UGT1A10: variants seen among roughly 807,000 people sequenced by gnomAD.
UGT1A10 encodes UDP glucuronosyltransferase family 1 member A10.
UGT1A10 carries 49 observed loss-of-function variants against 45.8 expected under a neutral mutation model. The ratio of observed to expected loss-of-function variants is 1.07; its 90% CI spans 0.85 to 1.36. UGT1A10 has a LOEUF of 1.36. Ranked by LOEUF, UGT1A10 falls within the 40% of genes most tolerant of loss-of-function variation. The probability of loss-of-function intolerance (pLI) is 0.00; values close to 1 mark genes in which losing one functional copy is unlikely to be tolerated. For synonymous variants in UGT1A10, 284 were observed against 249.7 expected (o/e 1.14, Z -1.29); for missense variants, 745 against 668.6 (o/e 1.11, Z -1.26).
intron 1 of UGT1A10, among the ~76,000 whole-genome samples, chr2:233,680,026 TTTTCTTTTTCTCTTTC>T (rs1446340462): frequency 2.0e-5 from 3 of 152,184 alleles, no homozygotes; most frequent in Non-Finnish European, 4.4e-5. Flanking sequence ...TCTCTCTCTT[TTTTCTTTTTCTCTTTC>T]TTTCTTTTGC....
At chr2:233,747,538 C>T in intron 1 of UGT1A10, 1 of 1,604,368 alleles carries the variant, frequency 6.2e-7, no homozygotes, top group Non-Finnish European at 8.5e-7. Flanking sequence ...TTTCTGAAGA[C>T]ATTTTCTAAA....
At chr2:233,732,944 A>G (rs2078339479) in intron 1 of UGT1A10, among the ~76,000 whole-genome samples, 2 of 152,256 alleles carry the variant, frequency 1.3e-5, no homozygotes, top group Admixed American at 1.3e-4. Flanking sequence ...ATCCATGAGC[A>G]TGGAATGTTC....
chr2:233,746,322 CT>C (rs1693360361), intron 1 of UGT1A10, among the ~76,000 whole-genome samples: 1 of 151,756 alleles, frequency 6.6e-6, no homozygotes, highest in Admixed American at 6.5e-5. Flanking sequence ...TGTAGATGAT[CT>C]ACAGGGCAAT....
chr2:233,680,433 C>T (rs1172149473), intron 1 of UGT1A10, among the ~76,000 whole-genome samples: 1 of 152,128 alleles, frequency 6.6e-6, no homozygotes, highest in Non-Finnish European at 1.5e-5. Flanking sequence ...GTAGTATGTA[C>T]TAGAGGAAAG....
chr2:233,657,174 A>C (rs2073874133), intron 1 of UGT1A10, among the ~76,000 whole-genome samples: 5 of 152,176 alleles, frequency 3.3e-5, no homozygotes, highest in Admixed American at 3.3e-4. Context: ...ACTAGCTATC[A>C]AGGTCCCCCA....
At chr2:233,652,641 G>A (rs532260049) in intron 1 of UGT1A10, among the ~76,000 whole-genome samples, 17 of 152,190 alleles carry the variant, frequency 1.1e-4, no homozygotes, top group Admixed American at 7.2e-4. Flanking sequence ...TCAGTAGAAC[G>A]GAGTTGAGAA....
chr2:233,722,106 A>G, intron 1 of UGT1A10: 1 of 195,622 alleles, frequency 5.1e-6, no homozygotes, highest in South Asian at 1.0e-4. Flanking sequence ...TCTTAGAGGA[A>G]GAGCTATCAT....
chr2:233,645,492 GTAAAA>G (rs1284165480), intron 1 of UGT1A10, among the ~76,000 whole-genome samples: 1 of 152,228 alleles, frequency 6.6e-6, no homozygotes, highest in Non-Finnish European at 1.5e-5. Context: ...CTATGGGCCT[GTAAAA>G]TCAAAAGCAA....
intron 1 of UGT1A10, among the ~76,000 whole-genome samples, chr2:233,642,889 T>A (rs774647217): frequency 7.4e-5 from 11 of 149,258 alleles, no homozygotes; most frequent in Non-Finnish European, 1.3e-4. Context: ...TCTCTCTCAC[T>A]CTCTCTCTCT....
intron 1 of UGT1A10, among the ~76,000 whole-genome samples, chr2:233,750,926 G>A (rs939892463): frequency 5.3e-5 from 8 of 151,868 alleles, no homozygotes; most frequent in African/African-American, 1.9e-4. Flanking sequence ...AAAGAAATGT[G>A]AGGTTGGAGC....
intron 1 of UGT1A10, among the ~76,000 whole-genome samples, chr2:233,758,755 T>C (rs1329338381): frequency 1.3e-5 from 2 of 152,208 alleles, no homozygotes; most frequent in African/African-American, 4.8e-5. Flanking sequence ...TGGCCAGTGA[T>C]GTGTATGGTT....
intron 1 of UGT1A10, chr2:233,729,607 C>A (rs776036821): frequency 1.2e-6 from 2 of 1,613,986 alleles, no homozygotes; most frequent in South Asian, 2.2e-5. Context: ...CGCGGCAGTG[C>A]TGGCTAAGTA....
At chr2:233,693,701 G>A (rs984756708) in intron 1 of UGT1A10, 3 of 1,614,192 alleles carry the variant, frequency 1.9e-6, no homozygotes, top group South Asian at 1.1e-5. Flanking sequence ...TGAAGAACTC[G>A]CATCAGCTGT....
Position 233,767,767 on chromosome 2 carries a change from T to C in UGT1A10, c.988-82T>C, listed in dbSNP as rs2302538. Reference sequence around the variant, plus strand: ...AAAGACTGTTCCTTCAGAGGACCCCTGTTTTCTAGTTAGTATAGCAGATTT... The same window carrying C: ...AAAGACTGTTCCTTCAGAGGACCCCCGTTTTCTAGTTAGTATAGCAGATTT... On this transcript the variant is annotated intron_variant, in intron 2 of 4. Coordinates refer to ENST00000344644, the MANE Select transcript of UGT1A10 (RefSeq NM_019075.4). The C allele has an allele frequency of 0.14, 222,887 of 1,608,838 alleles. 18,348 individuals are homozygous for C. Among genetic ancestry groups the C allele is most frequent in the African/African-American group, 0.38 (28,350 of 74,890 alleles).
intron 1 of UGT1A10, among the ~76,000 whole-genome samples, chr2:233,688,483 A>G (rs1485805060): frequency 1.3e-5 from 2 of 152,138 alleles, no homozygotes; most frequent in African/African-American, 4.8e-5. Context: ...TCCTATCTCC[A>G]TCCTTTTGGG....
chr2:233,678,600 C>T (rs1385438468), intron 1 of UGT1A10, among the ~76,000 whole-genome samples: 1 of 152,124 alleles, frequency 6.6e-6, no homozygotes, highest in African/African-American at 2.4e-5. Flanking sequence ...TTTCAGTGCC[C>T]ATAAGGGTTC....
intron 1 of UGT1A10, among the ~76,000 whole-genome samples, chr2:233,686,986 A>G (rs2074815815): frequency 6.6e-6 from 1 of 152,154 alleles, no homozygotes. Flanking sequence ...TTGTACCCCA[A>G]GTCTTGGTTT....
At chr2:233,764,775 G>T (rs1470259138) in intron 1 of UGT1A10, among the ~76,000 whole-genome samples, 1 of 152,162 alleles carries the variant, frequency 6.6e-6, no homozygotes, top group Non-Finnish European at 1.5e-5. Flanking sequence ...AAGGAGTTCA[G>T]AAAAACCATC....
chr2:233,755,082 T>A (rs971081603), intron 1 of UGT1A10: 2 of 1,336,596 alleles, frequency 1.5e-6, no homozygotes, highest in South Asian at 2.3e-5. Flanking sequence ...GTCATAGATA[T>A]CGCGTTTCTA....
Sources: allele counts gnomAD v4.1 joint callset (sites outside exome capture counted in the v4.1 genomes callset), GRCh38; gene constraint gnomAD v4.1.1; transcripts MANE v1.5; gene names NCBI Gene and HGNC (gene_info 2026-07-23, HGNC 2026-07-21).